The following FSTL5 variants were observed in gnomAD, a reference collection of about 807,000 sequenced individuals.
FSTL5 encodes the protein follistatin like 5.
FSTL5 carries 62 observed loss-of-function variants against 89.1 expected under a neutral mutation model. The observed-to-expected ratio is 0.70, with a 90% CI of 0.57 to 0.86. The LOEUF is 0.86. FSTL5 is among the 40% of genes least tolerant of loss of function. FSTL5 has a pLI of 0.00. For missense variants in FSTL5, 1,057 were observed against 1,001.6 expected, an observed-to-expected ratio of 1.06 and a Z score of -0.75; for synonymous variants, 383 against 346.2, an observed-to-expected ratio of 1.11 and a Z score of -1.18.
chr4:162,139,415 C>G (rs1732639849), intron 1 of FSTL5, among the ~76,000 whole-genome samples: 1 of 151,754 alleles, frequency 6.6e-6, no homozygotes, highest in African/African-American at 2.4e-5. Flanking sequence ...ATTTTTCAAA[C>G]CATATTTCAA....
At chr4:161,388,035 T>TA (rs1730707329) in intron 15 of FSTL5, 1 of 152,112 alleles carries the variant, frequency 6.6e-6, no homozygotes, top group Admixed American at 6.5e-5. Flanking sequence ...TTTTGAGTGA[T>TA]AAAAAAGTGA....
chr4:161,524,690 T>C lies in FSTL5; in HGVS notation c.1312+13476A>G, dbSNP rs1235026493. ...TTAATATTCGCTGGCCTGGGAACGG[T>C]GGCTCACGCCTGTGATCCCAGCATT... On this transcript the variant is annotated intron_variant, in intron 10 of 15. Transcript: ENST00000306100. 3.3e-5 allele frequency among the ~76,000 whole-genome samples: 5 copies of C among 152,300 alleles called. No individual in the cohort carries two copies. In the East Asian group the frequency reaches 9.7e-4, roughly 29 times the overall value.
At chr4:162,028,595 T>C (rs1279805755) in intron 3 of FSTL5, among the ~76,000 whole-genome samples, 1 of 151,974 alleles carries the variant, frequency 6.6e-6, no homozygotes, top group East Asian at 1.9e-4. Context: ...AATAAACAAA[T>C]AAAGAATGTA....
intron 4 of FSTL5, among the ~76,000 whole-genome samples, chr4:161,916,567 G>A (rs758660498): frequency 1.3e-5 from 2 of 152,124 alleles, no homozygotes; most frequent in South Asian, 2.1e-4. Context: ...AGTATCTGAC[G>A]CCAATAAACA....
intron 4 of FSTL5, among the ~76,000 whole-genome samples, chr4:161,813,768 T>C (rs565317415): frequency 6.6e-6 from 1 of 152,294 alleles, no homozygotes; most frequent in East Asian, 1.9e-4. Flanking sequence ...TATTTCATTA[T>C]TCTATATGAT....
chr4:161,407,213 T>C (rs1301039970), intron 15 of FSTL5, among the ~76,000 whole-genome samples: 5 of 152,186 alleles, frequency 3.3e-5, no homozygotes, highest in African/African-American at 1.2e-4. Context: ...TTAGCAACAA[T>C]GCCCTCTAGA....
At chr4:161,691,611 T>C (rs894023835) in intron 6 of FSTL5, among the ~76,000 whole-genome samples, 2 of 152,180 alleles carry the variant, frequency 1.3e-5, no homozygotes, top group Non-Finnish European at 2.9e-5. Context: ...GTTTGGGCAC[T>C]ATTGCCATCT....
chr4:162,068,788 A>G (rs1452036013), intron 2 of FSTL5, among the ~76,000 whole-genome samples: 2 of 152,074 alleles, frequency 1.3e-5, no homozygotes, highest in South Asian at 2.1e-4. Flanking sequence ...TTTGCAATCT[A>G]TCCATCGGAC....
intron 8 of FSTL5, among the ~76,000 whole-genome samples, chr4:161,572,645 A>G (rs1272744644): frequency 6.6e-6 from 1 of 152,188 alleles, no homozygotes; most frequent in Non-Finnish European, 1.5e-5. Context: ...AAAATTTTTA[A>G]AGCTTATAAT....
chr4:161,891,612 T>G (rs1187472567), intron 4 of FSTL5, among the ~76,000 whole-genome samples: 2 of 152,140 alleles, frequency 1.3e-5, no homozygotes, highest in African/African-American at 4.8e-5. Context: ...TAGGAATCAG[T>G]AAGTGACAAA....
At chr4:161,814,853 A>G (rs1450801731) in intron 4 of FSTL5, among the ~76,000 whole-genome samples, 1 of 152,108 alleles carries the variant, frequency 6.6e-6, no homozygotes, top group East Asian at 1.9e-4. Flanking sequence ...TGTTCCTAAC[A>G]CTGTAGAATG....
At chr4:161,960,496 T>C (rs1560938219) in intron 3 of FSTL5, among the ~76,000 whole-genome samples, 4 of 151,992 alleles carry the variant, frequency 2.6e-5, no homozygotes. Context: ...TTAATATAAT[T>C]GTAACCAATG....
chr4:162,037,525 T>C (rs1469086701), intron 2 of FSTL5, among the ~76,000 whole-genome samples: 3 of 152,038 alleles, frequency 2.0e-5, no homozygotes, highest in East Asian at 3.9e-4. Flanking sequence ...TGTAACAATC[T>C]TAGGCTTAGT....
intron 8 of FSTL5, among the ~76,000 whole-genome samples, chr4:161,567,086 T>A (rs1371340712): frequency 6.6e-6 from 1 of 152,082 alleles, no homozygotes; most frequent in Non-Finnish European, 1.5e-5. Flanking sequence ...AGTCATAACT[T>A]GTGATCACTG....
rs568188827 is a variant in FSTL5 at position 161,663,304 on chromosome 4, C to T, written c.728-6810G>A. 2.9e-4 allele frequency among the ~76,000 whole-genome samples: 44 copies of T among 152,290 alleles called. 2 individuals carry two copies. The South Asian group carries it at 7.7e-3, about 27-fold the overall frequency. Reference sequence around the variant, plus strand: ...GTCCAAAGTCTCATCTGAGACAAGGCAAGTCCCTTTCTCCTATGAGCCTTT... The same window carrying T: ...GTCCAAAGTCTCATCTGAGACAAGGTAAGTCCCTTTCTCCTATGAGCCTTT... On this transcript the variant is annotated intron_variant, in intron 6 of 15. Transcript: ENST00000306100.
At chr4:161,661,913 G>A (rs1202952506) in intron 6 of FSTL5, among the ~76,000 whole-genome samples, 9 of 152,268 alleles carry the variant, frequency 5.9e-5, no homozygotes, top group African/African-American at 2.2e-4. Flanking sequence ...AAAAGCATTA[G>A]AGAAATATCA....
At chr4:161,443,643 T>C (rs981399560) in intron 15 of FSTL5, among the ~76,000 whole-genome samples, 1 of 151,854 alleles carries the variant, frequency 6.6e-6, no homozygotes, top group African/African-American at 2.4e-5. Context: ...TGATGTAAGG[T>C]TGAATGCCTT....
chr4:162,083,271 T>C (rs1163175737), intron 2 of FSTL5, among the ~76,000 whole-genome samples: 1 of 151,768 alleles, frequency 6.6e-6, no homozygotes, highest in Non-Finnish European at 1.5e-5. Flanking sequence ...TTGTATTTAA[T>C]GGCTAAGAAA....
intron 2 of FSTL5, among the ~76,000 whole-genome samples, chr4:162,109,075 T>G (rs965211938): frequency 7.9e-5 from 12 of 152,174 alleles, no homozygotes; most frequent in African/African-American, 2.2e-4. Context: ...TTTCAATCAT[T>G]GTTTGGTAAG....
Sources: allele counts gnomAD v4.1 joint callset (sites outside exome capture counted in the v4.1 genomes callset), GRCh38; gene constraint gnomAD v4.1.1; transcripts MANE v1.5; gene names NCBI Gene and HGNC (gene_info 2026-07-23, HGNC 2026-07-21).